The following PDE1A variants were observed in gnomAD, a reference collection of about 807,000 sequenced individuals.
The protein encoded by PDE1A is phosphodiesterase 1A, also known as dual specificity calcium/calmodulin-dependent 3',5'-cyclic nucleotide phosphodiesterase 1A.
In PDE1A, 35 loss-of-function variants were observed where a neutral mutation model predicts 61.7. That is an observed-to-expected ratio of 0.57 (90% CI 0.43 to 0.75). PDE1A has a LOEUF of 0.75. PDE1A is among the 30% of genes least tolerant of loss of function. PDE1A has a pLI of 0.00. For synonymous variants in PDE1A, 232 were observed against 213.2 expected, an observed-to-expected ratio of 1.09 and a Z score of -0.77; for missense variants, 597 against 630.6, an observed-to-expected ratio of 0.95 and a Z score of 0.57.
At chr2:182,507,034 T>A (rs1422470492) in intron 2 of PDE1A, among the ~76,000 whole-genome samples, 1 of 152,206 alleles carries the variant, frequency 6.6e-6, no homozygotes, top group Non-Finnish European at 1.5e-5. Context: ...CCATTGATAG[T>A]GTTGCTGGTG....
chr2:182,197,347 C>T (rs1457714077), intron 10 of PDE1A, among the ~76,000 whole-genome samples: 1 of 144,210 alleles, frequency 6.9e-6, no homozygotes, highest in African/African-American at 2.6e-5. Context: ...TTCTCTCAGT[C>T]TATGGTTTGC....
chr2:182,531,873 C>T, the PDE1A span, among the ~76,000 whole-genome samples: 35 of 152,234 alleles, frequency 2.3e-4, no homozygotes, highest in South Asian at 7.1e-3. Context: ...CCTACAGGCC[C>T]CGGTGTGTAA....
the PDE1A span, among the ~76,000 whole-genome samples, chr2:182,697,322 T>C: frequency 6.6e-6 from 1 of 152,206 alleles, no homozygotes; most frequent in Non-Finnish European, 1.5e-5. Flanking sequence ...CTTACGAAAT[T>C]GCTTAACATA....
At chr2:182,410,169 T>A (rs534653960) in intron 1 of PDE1A, among the ~76,000 whole-genome samples, 1 of 152,088 alleles carries the variant, frequency 6.6e-6, no homozygotes, top group Non-Finnish European at 1.5e-5. Flanking sequence ...TTGGGCAACA[T>A]AGTGGGACCC....
At chr2:182,685,539 C>T in the PDE1A span, among the ~76,000 whole-genome samples, 4 of 152,150 alleles carry the variant, frequency 2.6e-5, no homozygotes, top group Non-Finnish European at 1.5e-5. Flanking sequence ...TATTTAACCT[C>T]TCTAAAATTC....
chr2:182,221,594 G>A (rs1166956818), intron 7 of PDE1A, among the ~76,000 whole-genome samples: 2 of 151,926 alleles, frequency 1.3e-5, no homozygotes, highest in African/African-American at 4.8e-5. Flanking sequence ...TGGGACCCTG[G>A]GGTTTCCTCC....
At chr2:182,693,080 ACC>A in the PDE1A span, among the ~76,000 whole-genome samples, 2 of 151,992 alleles carry the variant, frequency 1.3e-5, no homozygotes, top group African/African-American at 4.8e-5. Flanking sequence ...ACAGAGAGAG[ACC>A]CTGTCTCCAA....
chr2:182,664,873 ATC>A, the PDE1A span, among the ~76,000 whole-genome samples: 3 of 152,162 alleles, frequency 2.0e-5, no homozygotes, highest in African/African-American at 7.2e-5. Flanking sequence ...AAATAATAGT[ATC>A]TCTTTTTCAT....
the PDE1A span, among the ~76,000 whole-genome samples, chr2:182,709,817 A>T: frequency 1.3e-5 from 2 of 152,320 alleles, no homozygotes; most frequent in South Asian, 4.1e-4. Context: ...TGAAGTAGAG[A>T]TGTGTCTTCA....
chr2:182,382,778 A>T (rs911053909), intron 1 of PDE1A, among the ~76,000 whole-genome samples: 1 of 152,130 alleles, frequency 6.6e-6, no homozygotes, highest in Admixed American at 6.5e-5. Flanking sequence ...CTATTCACTT[A>T]ACATCTATTT....
chr2:182,160,088 AAC>A (rs1185194091), intron 13 of PDE1A, among the ~76,000 whole-genome samples: 2 of 152,228 alleles, frequency 1.3e-5, no homozygotes, highest in Non-Finnish European at 2.9e-5. Flanking sequence ...AGCAAACTGA[AAC>A]ACAAAAAAGA....
At chr2:182,357,474 A>G (rs1699260810) in intron 1 of PDE1A, among the ~76,000 whole-genome samples, 2 of 152,192 alleles carry the variant, frequency 1.3e-5, no homozygotes, top group Admixed American at 1.3e-4. Context: ...TCACAAATTC[A>G]TTGACCTTTC....
At chr2:182,667,077 A>G in the PDE1A span, among the ~76,000 whole-genome samples, 7 of 152,142 alleles carry the variant, frequency 4.6e-5, no homozygotes, top group African/African-American at 1.4e-4. Flanking sequence ...TAACCTGTGA[A>G]CTGGTTTAGC....
At chr2:182,140,648 A>G (rs1224039921) in exon 15 of PDE1A, 1 of 152,196 alleles carries the variant, frequency 6.6e-6, no homozygotes, top group Non-Finnish European at 1.5e-5. Context: ...TATGTTGGGG[A>G]GCTGAGGTTA....
At chr2:182,680,213 G>A in the PDE1A span, among the ~76,000 whole-genome samples, 17 of 150,186 alleles carry the variant, frequency 1.1e-4, no homozygotes, top group Admixed American at 1.1e-3. Context: ...CTTTATCAGC[G>A]ACTTTTTTTT....
the PDE1A span, among the ~76,000 whole-genome samples, chr2:182,620,156 G>A: frequency 1.3e-5 from 2 of 150,738 alleles, no homozygotes; most frequent in African/African-American, 4.8e-5. Context: ...AAATAAAGAA[G>A]TTATTAACTT....
At chr2:182,214,061 G>GC (rs1386201584) in intron 7 of PDE1A, among the ~76,000 whole-genome samples, 4 of 145,940 alleles carry the variant, frequency 2.7e-5, no homozygotes, top group Admixed American at 7.0e-5. Context: ...CAGACTAACA[G>GC]CGGATCTCTC....
chr2:182,364,487 A>C lies in PDE1A; in HGVS notation c.53+62091T>G, dbSNP rs867456581. ...TTGGTAAAAAAAAAAAAAAAAAAAAAAAAAAAAAAAAACCTTATTCTGAAT... is the reference window on the plus strand; with the variant it reads ...TTGGTAAAAAAAAAAAAAAAAAAAACAAAAAAAAAAAACCTTATTCTGAAT... On this transcript the variant is annotated intron_variant, in intron 1 of 13. Transcript: ENST00000351439. Among the ~76,000 whole-genome samples, 527 of 147,234 alleles carry C rather than the reference A, an allele frequency of 3.6e-3. 2 individuals carry two copies. The highest frequency in any genetic ancestry group is 0.013 in the African/African-American group (508 of 40,020).
chr2:182,684,121 C>T, the PDE1A span, among the ~76,000 whole-genome samples: 5 of 131,618 alleles, frequency 3.8e-5, no homozygotes, highest in African/African-American at 1.4e-4. Flanking sequence ...AAAACTCCAT[C>T]TCAAAAAAAA....
Sources: gnomAD v4.1 joint callset for allele counts (sites outside exome capture counted in the v4.1 genomes callset) on GRCh38, gnomAD v4.1.1 for gene constraint, MANE v1.5 for transcripts, NCBI Gene and HGNC (gene_info 2026-07-23, HGNC 2026-07-21) for gene names.